NTN1: variants seen among roughly 807,000 people sequenced by gnomAD.
NTN1 encodes netrin-1.
Under a neutral mutation model 54.2 loss-of-function variants are expected in NTN1, and 11 were observed. The ratio of observed to expected loss-of-function variants is 0.20; its 90% confidence interval spans 0.13 to 0.34. The LOEUF is 0.34. Ranked by LOEUF, NTN1 falls within the 10% of genes least tolerant of loss-of-function variation. NTN1 has a pLI of 1.00. For synonymous variants in NTN1, 371 were observed against 382.0 expected, an observed-to-expected ratio of 0.97 and a Z score of 0.33; for missense variants, 740 against 893.1, an observed-to-expected ratio of 0.83 and a Z score of 2.18.
chr17:9,217,416 A>G lies in NTN1; in HGVS notation c.1412-3752A>G, dbSNP rs141938289. Among the ~76,000 whole-genome samples the G allele has an allele frequency of 8.5e-3, 1,290 of 152,314 alleles. 15 individuals carry two copies. The highest frequency in any genetic ancestry group is 0.029 in the African/African-American group (1,221 of 41,564). ...GTCTTTATGGCTGTTTTGGAACAAA[A>G]CAAGGAGGAGCTACATGAGAGGCTG... is the stretch of plus-strand genomic sequence containing the variant. On this transcript the variant is annotated intron_variant, in intron 5 of 6. Transcript: ENST00000173229.
Position 9,150,066 on chromosome 17 carries a change from G to T in NTN1, c.1019-12747G>T, listed in dbSNP as rs542747156. Among the ~76,000 whole-genome samples, 10 of 152,260 alleles carry T rather than the reference G, an allele frequency of 6.6e-5. No individual in the cohort carries two copies. The South Asian group carries it at 2.1e-3, about 32-fold the overall frequency. ...AAAATACAAAAATTAGCTCAGCATGGTGGCGGGCGCCTGTAATCCTCAGCT... is the reference window on the plus strand; with the variant it reads ...AAAATACAAAAATTAGCTCAGCATGTTGGCGGGCGCCTGTAATCCTCAGCT... On this transcript the variant is annotated intron_variant, in intron 2 of 6. Transcript: ENST00000173229.
intron 2 of NTN1, among the ~76,000 whole-genome samples, chr17:9,076,993 C>G (rs1361261473): frequency 6.6e-6 from 1 of 152,122 alleles, no homozygotes; most frequent in Non-Finnish European, 1.5e-5. Context: ...GCCTGGCCCT[C>G]TCCTTCCTGG....
chr17:9,056,363 C>A (rs4063993), intron 2 of NTN1, among the ~76,000 whole-genome samples: 1 of 151,958 alleles, frequency 6.6e-6, no homozygotes, highest in Non-Finnish European at 1.5e-5. Flanking sequence ...GGCTGAGTGC[C>A]GCCATCTTGA....
chr17:9,160,223 C>G (rs563105046), intron 2 of NTN1, among the ~76,000 whole-genome samples: 154 of 152,284 alleles, frequency 1.0e-3, no homozygotes, highest in African/African-American at 3.6e-3. Context: ...CCTGCCTCAG[C>G]CTTCCGAGTT....
At chr17:9,234,020 C>A (rs1597553487) in intron 6 of NTN1, among the ~76,000 whole-genome samples, 1 of 152,204 alleles carries the variant, frequency 6.6e-6, no homozygotes, top group Non-Finnish European at 1.5e-5. Context: ...CTCCACACTG[C>A]GGCAGGCTGC....
chr17:9,019,391 GT>G (rs2091838639), upstream of NTN1, among the ~76,000 whole-genome samples: 1 of 152,034 alleles, frequency 6.6e-6, no homozygotes, highest in African/African-American at 2.4e-5. Flanking sequence ...ATCTTTCCCT[GT>G]AATTAAGTGT....
At chr17:9,227,904 TACC>T (rs1457170133) in intron 6 of NTN1, among the ~76,000 whole-genome samples, 6 of 151,496 alleles carry the variant, frequency 4.0e-5, no homozygotes, top group Non-Finnish European at 7.4e-5. Flanking sequence ...ACTATACGCA[TACC>T]ACTACACACA....
At chr17:9,057,968 A>G (rs1597472623) in intron 2 of NTN1, among the ~76,000 whole-genome samples, 1 of 152,064 alleles carries the variant, frequency 6.6e-6, no homozygotes, top group Non-Finnish European at 1.5e-5. Context: ...GCTCACTGCA[A>G]CCTCCGCCTC....
intron 2 of NTN1, among the ~76,000 whole-genome samples, chr17:9,142,081 C>T (rs1252719135): frequency 2.0e-5 from 3 of 151,974 alleles, no homozygotes; most frequent in Non-Finnish European, 4.4e-5. Flanking sequence ...GAGCCGAGAT[C>T]GTGCCACTGC....
At chr17:9,070,999 C>G (rs901042057) in intron 2 of NTN1, among the ~76,000 whole-genome samples, 3 of 152,124 alleles carry the variant, frequency 2.0e-5, no homozygotes, top group Admixed American at 6.5e-5. Context: ...CTGTTTCAGA[C>G]CATTCCCATG....
intron 5 of NTN1, among the ~76,000 whole-genome samples, chr17:9,191,687 A>G (rs61516533): frequency 7.8e-4 from 119 of 152,270 alleles, no homozygotes; most frequent in African/African-American, 2.7e-3. Context: ...ATGCATAGGA[A>G]GCATTAAACT....
At chr17:9,131,581 C>CTT (rs11361363) in intron 2 of NTN1, among the ~76,000 whole-genome samples, 33 of 134,048 alleles carry the variant, frequency 2.5e-4, no homozygotes, top group Middle Eastern at 7.9e-3. Flanking sequence ...TCCCTTGATG[C>CTT]TTTTTTTTTT....
At chr17:9,171,427 C>T (rs1177406414) in intron 3 of NTN1, 2 of 152,248 alleles carry the variant, frequency 1.3e-5, no homozygotes, top group African/African-American at 4.8e-5. Flanking sequence ...TCATTTGATT[C>T]ACCACATGTT....
intron 5 of NTN1, among the ~76,000 whole-genome samples, chr17:9,191,959 A>C (rs1332836622): frequency 6.7e-6 from 1 of 149,798 alleles, no homozygotes; most frequent in Non-Finnish European, 1.5e-5. Context: ...TGGGTGACAG[A>C]GCGAGACCCT....
intron 2 of NTN1, among the ~76,000 whole-genome samples, chr17:9,127,878 A>G (rs1325548851): frequency 6.6e-6 from 1 of 152,044 alleles, no homozygotes; most frequent in Non-Finnish European, 1.5e-5. Context: ...GCACTTTGGG[A>G]GGCTGAGGTG....
chr17:9,162,845 C>A lies in NTN1; in HGVS notation c.1051C>A (p.Arg351Ser), dbSNP rs140248343. The A allele has an allele frequency of 1.9e-6, 3 of 1,613,640 alleles. No homozygotes were observed. Among genetic ancestry groups the A allele is most frequent in the Non-Finnish European group, 2.5e-6 (3 of 1,179,650 alleles). Reference protein sequence around the residue: ...CNCNLHARRCRFNMELYKLSG... With the variant: ...CNCNLHARRCSFNMELYKLSG... The stretch of plus-strand genomic sequence containing the variant: ...CTGCAACCTGCATGCCCGGCGCTGC[C>A]GCTTCAACATGGAGCTCTACAAGCT... The change falls in exon 3 of 7, where the codon CGC becomes AGC. Residue 351 changes from arginine to serine, a missense_variant. Arg to Ser is a moderately radical substitution (Grantham distance 110). Transcript: ENST00000173229.
At chr17:9,205,600 G>T (rs1294556997) in intron 5 of NTN1, among the ~76,000 whole-genome samples, 1 of 152,274 alleles carries the variant, frequency 6.6e-6, no homozygotes, top group South Asian at 2.1e-4. Flanking sequence ...TCCAGCTGGG[G>T]TGACAAAGGG....
chr17:9,134,812 T>C (rs1022614632), intron 2 of NTN1, among the ~76,000 whole-genome samples: 5 of 152,154 alleles, frequency 3.3e-5, no homozygotes, highest in African/African-American at 1.2e-4. Context: ...TCCATGGCTG[T>C]TGTTTTCTAG....
intron 6 of NTN1, among the ~76,000 whole-genome samples, chr17:9,237,386 A>T (rs1486252364): frequency 6.6e-6 from 1 of 152,150 alleles, no homozygotes; most frequent in African/African-American, 2.4e-5. Flanking sequence ...ATTTTTAAAA[A>T]TTTTAATGGG....
Sources: gnomAD v4.1 joint callset for allele counts (sites outside exome capture counted in the v4.1 genomes callset) on GRCh38, gnomAD v4.1.1 for gene constraint, MANE v1.5 for transcripts, NCBI Gene and HGNC (gene_info 2026-07-23, HGNC 2026-07-21) for gene names.